MITF: variants seen among roughly 807,000 people sequenced by gnomAD.
The protein encoded by MITF is melanocyte inducing transcription factor, also known as microphthalmia-associated transcription factor.
In MITF, 17 loss-of-function variants were observed where a neutral mutation model predicts 60.5. The ratio of observed to expected loss-of-function variants is 0.28; its 90% confidence interval spans 0.19 to 0.42. MITF has a LOEUF of 0.42. Among genes scored for constraint, MITF ranks in the 10% least tolerant of loss-of-function variants. MITF has a pLI of 1.00. For missense variants in MITF, 622 were observed against 683.5 expected, an observed-to-expected ratio of 0.91 and a Z score of 1.00; for synonymous variants, 260 against 248.5, an observed-to-expected ratio of 1.05 and a Z score of -0.43.
chr3:69,773,843 A>G (rs2062431998), intron 1 of MITF, among the ~76,000 whole-genome samples: 1 of 152,212 alleles, frequency 6.6e-6, no homozygotes, highest in East Asian at 1.9e-4. Context: ...TAGCCTTAAT[A>G]CTATTTTTTG....
chr3:69,745,474 C>T (rs1703687992), intron 1 of MITF, among the ~76,000 whole-genome samples: 2 of 152,092 alleles, frequency 1.3e-5, no homozygotes, highest in African/African-American at 4.8e-5. Flanking sequence ...ACTGGGGAGG[C>T]AGTTTTGTGG....
At chr3:69,810,599 A>T (rs745775073) in intron 1 of MITF, among the ~76,000 whole-genome samples, 3 of 152,222 alleles carry the variant, frequency 2.0e-5, no homozygotes, top group Admixed American at 6.5e-5. Flanking sequence ...TTTCAACATT[A>T]TCTGTGTGAT....
chr3:69,767,357 G>C (rs1243158215), intron 1 of MITF, among the ~76,000 whole-genome samples: 1 of 152,170 alleles, frequency 6.6e-6, no homozygotes, highest in Non-Finnish European at 1.5e-5. Flanking sequence ...ACTGAGGTGG[G>C]TGGGTCACTT....
intron 1 of MITF, among the ~76,000 whole-genome samples, chr3:69,878,046 G>C (rs1345968388): frequency 1.3e-5 from 2 of 152,122 alleles, no homozygotes; most frequent in Admixed American, 1.3e-4. Flanking sequence ...GCAAACATTT[G>C]TTGAGCCAGT....
At chr3:69,961,016 G>A (rs1426141746) in intron 9 of MITF, among the ~76,000 whole-genome samples, 1 of 152,136 alleles carries the variant, frequency 6.6e-6, no homozygotes, top group Non-Finnish European at 1.5e-5. Flanking sequence ...GGCTTTTGTT[G>A]TTGGTTTTAT....
chr3:69,895,378 G>A (rs932698825), intron 2 of MITF, among the ~76,000 whole-genome samples: 2 of 152,122 alleles, frequency 1.3e-5, no homozygotes, highest in Admixed American at 1.3e-4. Flanking sequence ...TAATAATAAT[G>A]TTAATCCTGG....
chr3:69,856,581 A>T lies in MITF; in HGVS notation c.105-22553A>T, dbSNP rs1319894302. ...TGAAGTCTGTACATCTCTATTTGAG[A>T]TCATCTTGTATCCCACACTTTGGGA... On this transcript the variant is annotated intron_variant, in intron 1 of 9. Coordinates refer to ENST00000352241, the MANE Select transcript of MITF (RefSeq NM_001354604.2). Among the ~76,000 whole-genome samples, 4 of 152,168 alleles carry T rather than the reference A, an allele frequency of 2.6e-5. No individual in the cohort carries two copies. In the South Asian group the frequency reaches 8.3e-4, roughly 32 times the overall value.
At position 69,782,633 on chromosome 3, in the gene MITF, T is replaced by C. The variant is rs148591580; in HGVS notation, c.104+42932T>C. Among the ~76,000 whole-genome samples the C allele has an allele frequency of 2.0e-5, 3 of 152,324 alleles. No individual in the cohort carries two copies. The East Asian group carries it at 5.8e-4, about 29-fold the overall frequency. On this transcript the variant is annotated intron_variant, in intron 1 of 9. Coordinates refer to ENST00000352241, the MANE Select transcript of MITF (RefSeq NM_001354604.2). The stretch of plus-strand genomic sequence containing the variant: ...GTGTTTTTAGGGCAATGTTTGCACA[T>C]GGCAGTATTCTCTATTTGAAGCTTG...
chr3:69,872,704 TGAA>T (rs1324414159), intron 1 of MITF, among the ~76,000 whole-genome samples: 2 of 152,166 alleles, frequency 1.3e-5, no homozygotes, highest in Admixed American at 6.5e-5. Flanking sequence ...TGGTACCTGT[TGAA>T]GGTCCAGCTT....
intron 2 of MITF, among the ~76,000 whole-genome samples, chr3:69,892,263 T>C: frequency 6.6e-6 from 1 of 152,360 alleles, no homozygotes; most frequent in East Asian, 1.9e-4. Flanking sequence ...TGAAAGCTAC[T>C]TAAAAATATT....
intron 1 of MITF, among the ~76,000 whole-genome samples, chr3:69,811,335 A>G (rs550750380): frequency 2.0e-5 from 3 of 152,284 alleles, no homozygotes; most frequent in African/African-American, 7.2e-5. Flanking sequence ...GACAAGTTTG[A>G]TGATAGGTTT....
intron 2 of MITF, among the ~76,000 whole-genome samples, chr3:69,912,552 A>G (rs367758769): frequency 1.6e-4 from 24 of 152,188 alleles, no homozygotes; most frequent in African/African-American, 5.6e-4. Flanking sequence ...CCCTCATACT[A>G]TCATAATCTT....
At chr3:69,893,613 T>C (rs1269926451) in intron 2 of MITF, among the ~76,000 whole-genome samples, 4 of 152,182 alleles carry the variant, frequency 2.6e-5, no homozygotes, top group Non-Finnish European at 4.4e-5. Context: ...TAATGGGTTC[T>C]TGAGAAGTGA....
In MITF at chr3:69,841,823, C is replaced by A. The variant is rs1303973660; in HGVS notation, c.105-37311C>A. On this transcript the variant is annotated intron_variant, in intron 1 of 9. Transcript: ENST00000352241. ...AGGTCAAGTGAAATTGTGCACAGGGCAGGGATAGTGGTGTTATATGTACGA... is the reference window on the plus strand; with the variant it reads ...AGGTCAAGTGAAATTGTGCACAGGGAAGGGATAGTGGTGTTATATGTACGA... Among the ~76,000 whole-genome samples the A allele has an allele frequency of 3.9e-5, 6 of 152,092 alleles. No homozygotes were observed. The East Asian group carries it at 9.7e-4, about 25-fold the overall frequency.
intron 1 of MITF, among the ~76,000 whole-genome samples, chr3:69,824,898 C>A (rs2063330982): frequency 6.6e-6 from 1 of 152,212 alleles, no homozygotes; most frequent in South Asian, 2.1e-4. Context: ...ACCACAGCAA[C>A]TTCCCTGCCT....
chr3:69,867,390 A>C (rs531441681), intron 1 of MITF, among the ~76,000 whole-genome samples: 128 of 152,280 alleles, frequency 8.4e-4, no homozygotes, highest in Middle Eastern at 3.4e-3. Flanking sequence ...TTTTCAGTAG[A>C]TACATCTTTA....
intron 1 of MITF, among the ~76,000 whole-genome samples, chr3:69,861,573 AGAG>A (rs1484528234): frequency 5.9e-5 from 9 of 152,144 alleles, no homozygotes; most frequent in Non-Finnish European, 1.2e-4. Flanking sequence ...TGCAGAGGAG[AGAG>A]AAGAGGGCTC....
chr3:69,869,847 G>A (rs527661310), intron 1 of MITF, among the ~76,000 whole-genome samples: 15 of 152,156 alleles, frequency 9.9e-5, no homozygotes, highest in South Asian at 8.3e-4. Flanking sequence ...GAGATGGGTC[G>A]TATGAAGCTC....
chr3:69,875,065 A>C (rs2064322822), intron 1 of MITF, among the ~76,000 whole-genome samples: 1 of 152,192 alleles, frequency 6.6e-6, no homozygotes, highest in Non-Finnish European at 1.5e-5. Context: ...TAACTGACCC[A>C]ATCCCTGCAG....
Sources: gnomAD v4.1 joint callset for allele counts (sites outside exome capture counted in the v4.1 genomes callset) on GRCh38, gnomAD v4.1.1 for gene constraint, MANE v1.5 for transcripts, NCBI Gene and HGNC (gene_info 2026-07-23, HGNC 2026-07-21) for gene names.